MYO18B: variants seen among roughly 807,000 people sequenced by gnomAD.
MYO18B encodes unconventional myosin-XVIIIb.
Under a neutral mutation model 273.0 loss-of-function variants are expected in MYO18B, and 204 were observed. The observed-to-expected ratio is 0.75, with a 90% CI of 0.67 to 0.84. The LOEUF is 0.84. MYO18B is among the 40% of genes least tolerant of loss of function. The pLI is 0.00. For missense variants in MYO18B, 3,212 were observed against 3,287.6 expected (o/e 0.98, Z 0.56); for synonymous variants, 1,330 against 1,305.7 (o/e 1.02, Z -0.40).
In MYO18B at chr22:25,952,383, A is replaced by G; in HGVS notation, c.5930A>G (p.Asn1977Ser). ...GAGGCGGTCATCTGTGACCTAGAGA[A>G]CAAGACAGAGTTCCAGAAGGTGCAG... ...RQEAVICDLENKTEFQKVQIK... is the reference protein window; with the variant it reads ...RQEAVICDLESKTEFQKVQIK... The change falls in exon 38 of 44, where the codon AAC becomes AGC. Residue 1977 changes from asparagine to serine, a missense_variant. Physicochemically the swap from Asn to Ser is conservative, Grantham distance 46. Transcript: ENST00000335473. 1.2e-6 allele frequency: 2 copies of G among 1,613,066 alleles called. No individual in the cohort carries two copies. The highest frequency in any genetic ancestry group is 1.7e-6 in the Non-Finnish European group (2 of 1,179,616).
intron 17 of MYO18B, among the ~76,000 whole-genome samples, chr22:25,837,542 A>G (rs1193325460): frequency 6.6e-6 from 1 of 152,184 alleles, no homozygotes; most frequent in African/African-American, 2.4e-5. Context: ...GTCCAACTGG[A>G]ACAGTTTATA....
At position 25,883,299 on chromosome 22, in the gene MYO18B, G is replaced by A. The variant is rs1197840986; in HGVS notation, c.4314+5251G>A. The A allele has an allele frequency of 2.0e-5, 3 of 152,228 alleles. No homozygotes were observed. Among genetic ancestry groups the A allele is most frequent in the Admixed American group, 1.3e-4 (2 of 15,276 alleles). 9.4% of individuals were successfully genotyped at this position (152,228 alleles called of 1,614,324 possible). ...CCCAAGAGGAGGTTCTTGGTATGGG[G>A]GGTAGGGAGCCCTCCAGCCCCTAGG... is the stretch of plus-strand genomic sequence containing the variant. On this transcript the variant is annotated intron_variant, in intron 25 of 43. Coordinates refer to ENST00000335473, the MANE Select transcript of MYO18B (RefSeq NM_032608.7). This position sits in a 1 kb window ranked among gnomAD's most constrained non-coding sequence, Gnocchi z 7.6.
intron 42 of MYO18B, among the ~76,000 whole-genome samples, chr22:26,021,886 T>A (rs1026186912): frequency 1.3e-5 from 2 of 152,206 alleles, no homozygotes; most frequent in Non-Finnish European, 2.9e-5. Flanking sequence ...GCACAGTAGG[T>A]ATCTAGTCAG....
the MYO18B span, among the ~76,000 whole-genome samples, chr22:26,063,656 A>T: frequency 2.0e-5 from 3 of 151,750 alleles, no homozygotes; most frequent in Non-Finnish European, 4.4e-5. Context: ...CATCCCAACA[A>T]CTCCACCCCA....
At chr22:25,837,431 G>C (rs1052100279) in intron 17 of MYO18B, among the ~76,000 whole-genome samples, 4 of 152,242 alleles carry the variant, frequency 2.6e-5, no homozygotes, top group Admixed American at 2.6e-4. Flanking sequence ...CGGCTGAAAG[G>C]TCAAGTGAGG....
Position 25,768,170 on chromosome 22 carries a change from C to T in MYO18B, c.254C>T (p.Ser85Phe). 6.2e-7 allele frequency: 1 copy of T among 1,612,770 alleles called. No homozygotes were observed. The highest frequency in any genetic ancestry group is 1.3e-5 in the African/African-American group (1 of 75,010). ...AGCAAGTCCAGCAGTGGCACCAGATCTGGAAGCCAGCAGATCTCTCAGGAC... is the reference window on the plus strand; with the variant it reads ...AGCAAGTCCAGCAGTGGCACCAGATTTGGAAGCCAGCAGATCTCTCAGGAC... ...PNSKSSSGTR[S>F]GSQQISQDDQ... The change falls in exon 4 of 44, where the codon TCT becomes TTT. Residue 85 changes from serine (S) to phenylalanine (F), a missense_variant. Physicochemically the swap from Ser to Phe is radical, Grantham distance 155. Transcript: ENST00000335473.
intron 1 of MYO18B, among the ~76,000 whole-genome samples, chr22:25,744,752 A>AAAATAT (rs2085727974): frequency 1.3e-5 from 2 of 152,186 alleles, no homozygotes; most frequent in Admixed American, 1.3e-4. Context: ...AATAAAAATA[A>AAAATAT]AAATAAACAA....
At chr22:25,892,997 A>G (rs1184051305) in intron 27 of MYO18B, among the ~76,000 whole-genome samples, 1 of 152,220 alleles carries the variant, frequency 6.6e-6, no homozygotes, top group Admixed American at 6.5e-5. Flanking sequence ...TCATGGGCAC[A>G]TTAGTCACAA....
At chr22:25,761,233 T>A in intron 2 of MYO18B, 102 bp downstream of exon 2, 1 of 1,297,036 alleles carries the variant, frequency 7.7e-7, no homozygotes, top group Non-Finnish European at 1.1e-6. Context: ...GAGTCTGACA[T>A]CCAGCCCTCC....
intron 11 of MYO18B, among the ~76,000 whole-genome samples, chr22:25,797,392 A>G (rs544107537): frequency 2.6e-5 from 4 of 152,192 alleles, no homozygotes; most frequent in Admixed American, 2.6e-4. Flanking sequence ...GATCTGCTCT[A>G]TGCTATTCCC....
At chr22:25,814,981 C>T (rs2088938116) in intron 12 of MYO18B, among the ~76,000 whole-genome samples, 1 of 152,330 alleles carries the variant, frequency 6.6e-6, no homozygotes, top group African/African-American at 2.4e-5. Context: ...TTAAATCCTA[C>T]ACCCTTATTC....
In MYO18B at chr22:25,798,623, G is replaced by C. The variant is rs1158610515; in HGVS notation, c.2521+526G>C. Among the ~76,000 whole-genome samples, 3 of 151,922 alleles carry C rather than the reference G, an allele frequency of 2.0e-5. No homozygotes were observed. The South Asian group carries it at 6.2e-4, about 32-fold the overall frequency. ...TTGTTGTTCAGGGCAGTAGTGGTGC[G>C]ATCATAGCTCACTGCAGCTTCCACC... On this transcript the variant is annotated intron_variant, in intron 12 of 43. Transcript: ENST00000335473.
At chr22:25,808,294 C>T (rs2088576232) in intron 12 of MYO18B, among the ~76,000 whole-genome samples, 1 of 152,218 alleles carries the variant, frequency 6.6e-6, no homozygotes, top group Non-Finnish European at 1.5e-5. Context: ...CCCTGTTCTC[C>T]ACCTCAGCCC....
At chr22:25,818,377 A>G (rs888412450) in intron 12 of MYO18B, among the ~76,000 whole-genome samples, 1 of 152,160 alleles carries the variant, frequency 6.6e-6, no homozygotes, top group African/African-American at 2.4e-5. Flanking sequence ...TTCCTTGAGC[A>G]TGGAGCCTGA....
chr22:25,885,410 CG>C (rs1348281346), intron 25 of MYO18B, among the ~76,000 whole-genome samples: 1 of 151,996 alleles, frequency 6.6e-6, no homozygotes, highest in Admixed American at 6.6e-5. Context: ...GAGGGCTTCA[CG>C]GGGGAGAAGT....
At chr22:25,826,350 T>C in intron 13 of MYO18B, 59 bp from the exon 14 acceptor site, 4 of 1,338,946 alleles carry the variant, frequency 3.0e-6, no homozygotes, top group Non-Finnish European at 4.2e-6. Context: ...TCTGCAGTGA[T>C]GTCCTTGGCC....
chr22:26,026,951 T>A lies in MYO18B; in HGVS notation c.6977T>A (p.Leu2326His), dbSNP rs942931796. Residue 2326 changes from leucine to histidine, a missense_variant, in exon 43 of 44, where the codon CTC (leucine) becomes CAC (histidine). By Grantham distance (99) the Leu-to-His change is moderately conservative. Coordinates refer to ENST00000335473, the MANE Select transcript of MYO18B (RefSeq NM_032608.7). ...AAGGLLRSTS[L>H]KCISSDGVGG... ...GGTGGTCTCTTGAGGTCCACCAGCC[T>A]CAAATGCATCTCTTCAGACGGTGTT... 1 of 1,613,840 alleles carries A rather than the reference T, an allele frequency of 6.2e-7. No homozygotes were observed. Among genetic ancestry groups the A allele is most frequent in the Non-Finnish European group, 8.5e-7 (1 of 1,179,858 alleles).
downstream of MYO18B, among the ~76,000 whole-genome samples, chr22:26,035,426 A>G (rs1213922646): frequency 3.3e-5 from 5 of 152,180 alleles, no homozygotes. Flanking sequence ...TGTTCTTCCT[A>G]GGCAATCAGG....
rs147074740 is a variant in MYO18B, at chr22:25,786,023, G to A, written c.2376+532G>A. Among the ~76,000 whole-genome samples, 1,394 of 152,328 alleles carry A rather than the reference G, an allele frequency of 9.2e-3. 10 individuals are homozygous for A. The highest frequency in any genetic ancestry group is 0.014 in the Non-Finnish European group (966 of 68,032). On this transcript the variant is annotated intron_variant, in intron 11 of 43. Transcript: ENST00000335473. ...ATATAGTCTATGAGTGGGGCTGAGA[G>A]TTAGGTATTTCATTGCTTAAAAAAG... is the stretch of plus-strand genomic sequence containing the variant.
Sources: allele counts gnomAD v4.1 joint callset (sites outside exome capture counted in the v4.1 genomes callset), GRCh38; gene constraint gnomAD v4.1.1; non-coding constraint Gnocchi (gnomAD v3.1); transcripts MANE v1.5; gene names NCBI Gene and HGNC (gene_info 2026-07-23, HGNC 2026-07-21).